Variants in ARHGAP12 observed in about 807,000 individuals in gnomAD.
ARHGAP12 encodes rho GTPase-activating protein 12.
In ARHGAP12, 64 loss-of-function variants were observed where a neutral mutation model predicts 108.6. The observed-to-expected ratio is 0.59, with a 90% CI of 0.48 to 0.73. The LOEUF (loss-of-function observed/expected upper bound fraction) is 0.73. ARHGAP12 is among the 30% of genes least tolerant of loss of function. ARHGAP12 has a pLI of 0.00. For missense variants in ARHGAP12, 940 were observed against 1,005.9 expected, an observed-to-expected ratio of 0.93 and a Z score of 0.89; for synonymous variants, 312 against 337.2, an observed-to-expected ratio of 0.93 and a Z score of 0.82.
At chr10:31,852,057 T>C (rs1359800764) in intron 6 of ARHGAP12, among the ~76,000 whole-genome samples, 1 of 152,192 alleles carries the variant, frequency 6.6e-6, no homozygotes, top group Non-Finnish European at 1.5e-5. Flanking sequence ...TCCTAGGACA[T>C]CTTATCACAT....
rs371057297 is a variant in ARHGAP12 at position 31,814,371 on chromosome 10, A to G, written c.1732-10T>C. 335 of 1,591,212 alleles carry G rather than the reference A, an allele frequency of 2.1e-4. No individual in the cohort carries two copies. Among genetic ancestry groups the G allele is most frequent in the Non-Finnish European group, 8.5e-5 (98 of 1,159,628 alleles). Reference sequence around the variant, plus strand: ...CATCAGTTTCTACTGCCTATTGGTTAGATATTTCCCAAACACATATTACAC... The same window carrying G: ...CATCAGTTTCTACTGCCTATTGGTTGGATATTTCCCAAACACATATTACAC... On this transcript the variant is annotated splice_polypyrimidine_tract_variant and intron_variant, in intron 13 of 19. Coordinates refer to ENST00000344936, the MANE Select transcript of ARHGAP12 (RefSeq NM_018287.7).
chr10:31,857,157 G>A (rs1836918360), intron 4 of ARHGAP12, among the ~76,000 whole-genome samples: 1 of 152,154 alleles, frequency 6.6e-6, no homozygotes, highest in Non-Finnish European at 1.5e-5. Context: ...TTGGGCAGGT[G>A]AAGGGAGAGA....
chr10:31,849,902 T>A (rs986084951), intron 6 of ARHGAP12, among the ~76,000 whole-genome samples: 26 of 152,216 alleles, frequency 1.7e-4, no homozygotes, highest in African/African-American at 6.3e-4. Context: ...GGTTTCCTAA[T>A]GCAGCCTATA....
At chr10:31,898,234 C>G (rs1458340094) in intron 3 of ARHGAP12, among the ~76,000 whole-genome samples, 1 of 152,044 alleles carries the variant, frequency 6.6e-6, no homozygotes, top group East Asian at 1.9e-4. Context: ...TAAGGCAACG[C>G]AACTTAAAAA....
intron 4 of ARHGAP12, among the ~76,000 whole-genome samples, chr10:31,858,424 T>C (rs1836970976): frequency 6.6e-6 from 1 of 151,886 alleles, no homozygotes; most frequent in South Asian, 2.1e-4. Flanking sequence ...ATAGACTAAC[T>C]ACGCATGCTA....
intron 11 of ARHGAP12, among the ~76,000 whole-genome samples, chr10:31,821,195 C>CT (rs1368566945): frequency 6.6e-6 from 1 of 152,004 alleles, no homozygotes; most frequent in Non-Finnish European, 1.5e-5. Flanking sequence ...GAGACAGATG[C>CT]TATAAAGCAT....
chr10:31,889,822 GA>G (rs947037466), intron 3 of ARHGAP12, among the ~76,000 whole-genome samples: 1 of 151,370 alleles, frequency 6.6e-6, no homozygotes, highest in African/African-American at 2.4e-5. Context: ...GGCCTCAAGT[GA>G]TCTGCCCACC....
At chr10:31,832,658 C>T (rs575101179) in intron 9 of ARHGAP12, among the ~76,000 whole-genome samples, 13 of 152,234 alleles carry the variant, frequency 8.5e-5, no homozygotes, top group South Asian at 6.2e-4. Context: ...CTCATACACA[C>T]GCACTCTCTC....
At chr10:31,884,891 T>C (rs540061418) in intron 3 of ARHGAP12, among the ~76,000 whole-genome samples, 1 of 152,316 alleles carries the variant, frequency 6.6e-6, no homozygotes, top group Non-Finnish European at 1.5e-5. Context: ...TGTCATTTCT[T>C]CATAAATTTT....
chr10:31,909,134 AC>A (rs1839253802), intron 2 of ARHGAP12, among the ~76,000 whole-genome samples: 1 of 152,104 alleles, frequency 6.6e-6, no homozygotes, highest in Middle Eastern at 3.2e-3. Context: ...TTTTTCAGTC[AC>A]TTATGACCAA....
At chr10:31,913,344 TTATGAAAGAGA>T (rs1195722941) in intron 1 of ARHGAP12, 4 of 155,558 alleles carry the variant, frequency 2.6e-5, no homozygotes, top group African/African-American at 9.7e-5. Context: ...CCCTGGCCCA[TTATGAAAGAGA>T]AATGAAAGCC....
intron 1 of ARHGAP12, among the ~76,000 whole-genome samples, chr10:31,928,475 A>ACC (rs200149718): frequency 6.0e-5 from 9 of 148,762 alleles, no homozygotes; most frequent in African/African-American, 2.2e-4. Context: ...CTCGGCGCCT[A>ACC]ACCCCCGCGC....
intron 3 of ARHGAP12, among the ~76,000 whole-genome samples, chr10:31,894,447 A>G (rs1243274920): frequency 1.3e-5 from 2 of 152,138 alleles, no homozygotes; most frequent in African/African-American, 2.4e-5. Flanking sequence ...ATTCTTATAC[A>G]CCAATAACAG....
chr10:31,855,261 C>G (rs563504679), intron 4 of ARHGAP12, among the ~76,000 whole-genome samples: 1 of 152,270 alleles, frequency 6.6e-6, no homozygotes, highest in East Asian at 1.9e-4. Flanking sequence ...TGCCTACTGA[C>G]AAGAGGCACC....
chr10:31,862,699 CACACAG>C (rs776653810), intron 3 of ARHGAP12, among the ~76,000 whole-genome samples: 2,222 of 55,166 alleles, frequency 0.04, 27 homozygotes, highest in East Asian at 0.21. Context: ...GGCGCATGCA[CACACAG>C]ACACACACAC....
At chr10:31,919,563 T>C (rs184803427) in intron 1 of ARHGAP12, among the ~76,000 whole-genome samples, 3,654 of 151,324 alleles carry the variant, frequency 0.024, 159 homozygotes, top group African/African-American at 0.083. Flanking sequence ...GAGGCTGAGG[T>C]GGGCGGATCA....
At chr10:31,820,683 G>A (rs114598338) in intron 11 of ARHGAP12, among the ~76,000 whole-genome samples, 195 bp from the exon 12 acceptor site, 3,720 of 146,610 alleles carry the variant, frequency 0.025, 172 homozygotes, top group African/African-American at 0.087. Flanking sequence ...ACAATTCACA[G>A]AAAACAAAAT....
intron 3 of ARHGAP12, among the ~76,000 whole-genome samples, chr10:31,893,915 C>T (rs1414008413): frequency 6.6e-6 from 1 of 152,232 alleles, no homozygotes; most frequent in African/African-American, 2.4e-5. Context: ...AAGTGGGCTT[C>T]ATCCCTGGGA....
intron 5 of ARHGAP12, among the ~76,000 whole-genome samples, chr10:31,852,811 A>T (rs950335138): frequency 7.5e-6 from 1 of 132,886 alleles, no homozygotes; most frequent in East Asian, 2.2e-4. Context: ...TCCACCTCCC[A>T]GGTTCAAGCA....
Sources: allele counts gnomAD v4.1 joint callset (sites outside exome capture counted in the v4.1 genomes callset), GRCh38; gene constraint gnomAD v4.1.1; transcripts MANE v1.5; gene names NCBI Gene and HGNC (gene_info 2026-07-23, HGNC 2026-07-21).